The following ZMIZ1 variants were observed in gnomAD, a reference collection of about 807,000 sequenced individuals.
ZMIZ1 encodes the protein zinc finger MIZ domain-containing protein 1.
Under a neutral mutation model 113.9 loss-of-function variants are expected in ZMIZ1, and 17 were observed. The ratio of observed to expected loss-of-function variants is 0.15; its 90% CI spans 0.10 to 0.22. The LOEUF (loss-of-function observed/expected upper bound fraction) is 0.22. Among genes scored for constraint, ZMIZ1 ranks in the 10% least tolerant of loss-of-function variants. The pLI, the probability that ZMIZ1 is intolerant of heterozygous loss-of-function variation, is 1.00. For missense variants in ZMIZ1, 1,059 were observed against 1,477.8 expected (o/e 0.72, Z 4.65); for synonymous variants, 607 against 603.1 (o/e 1.01, Z -0.09).
At chr10:79,211,846 G>T (rs539193379) in intron 6 of ZMIZ1, among the ~76,000 whole-genome samples, 1 of 152,254 alleles carries the variant, frequency 6.6e-6, no homozygotes, top group Admixed American at 6.5e-5. Flanking sequence ...CTTAGGGAAC[G>T]GCGGAAGACA....
At chr10:79,250,292 C>A (rs1044722053) in intron 7 of ZMIZ1, among the ~76,000 whole-genome samples, 1 of 152,248 alleles carries the variant, frequency 6.6e-6, no homozygotes, top group Non-Finnish European at 1.5e-5. Context: ...TGTCCTTGCC[C>A]TGTGTTGCAG....
At chr10:79,250,659 G>C (rs768666127) in intron 7 of ZMIZ1, among the ~76,000 whole-genome samples, 15 of 152,230 alleles carry the variant, frequency 9.9e-5, no homozygotes, top group Non-Finnish European at 2.2e-4. Context: ...GTCAGGGTCT[G>C]TGAGCCCCTG....
At chr10:79,184,066 A>G (rs890225340) in intron 4 of ZMIZ1, among the ~76,000 whole-genome samples, 4 of 152,168 alleles carry the variant, frequency 2.6e-5, no homozygotes, top group African/African-American at 9.7e-5. Context: ...CGGTGCCTTG[A>G]GGTGGGATAC....
intron 2 of ZMIZ1, among the ~76,000 whole-genome samples, chr10:79,128,312 C>T (rs540589751): frequency 6.6e-6 from 1 of 152,342 alleles, no homozygotes; most frequent in East Asian, 1.9e-4. Flanking sequence ...ATACTCGACC[C>T]AGACATATGC....
intron 16 of ZMIZ1, 21 bp from the exon 17 acceptor site, chr10:79,300,711 G>A (rs762574253): frequency 1.2e-6 from 2 of 1,610,630 alleles, no homozygotes; most frequent in Admixed American, 3.3e-5. Context: ...GCTGCCCTGA[G>A]CACCCTCGTT....
chr10:79,138,400 C>G (rs1290525815), intron 2 of ZMIZ1, among the ~76,000 whole-genome samples: 5 of 152,242 alleles, frequency 3.3e-5, no homozygotes, highest in Non-Finnish European at 7.3e-5. Flanking sequence ...CCAGAGGCCT[C>G]AGAGAATGCT....
intron 3 of ZMIZ1, among the ~76,000 whole-genome samples, chr10:79,140,362 A>G (rs1845204721): frequency 6.6e-6 from 1 of 152,214 alleles, no homozygotes; most frequent in Non-Finnish European, 1.5e-5. Context: ...AGGGAAGTTA[A>G]TGGTGCCTGC....
At chr10:79,293,347 T>C in intron 11 of ZMIZ1, 34 bp from the exon 12 acceptor site, 2 of 1,506,178 alleles carry the variant, frequency 1.3e-6, no homozygotes, top group Non-Finnish European at 8.9e-7. Context: ...CTTTTTTTTT[T>C]CTTCTCCCGT....
At chr10:79,103,444 A>T (rs966719913) in intron 1 of ZMIZ1, among the ~76,000 whole-genome samples, 3 of 151,846 alleles carry the variant, frequency 2.0e-5, no homozygotes, top group African/African-American at 7.3e-5. Flanking sequence ...GGGAGGGTGA[A>T]CGGTGGAAAT....
At chr10:79,263,210 G>A (rs1851374277) in intron 7 of ZMIZ1, among the ~76,000 whole-genome samples, 2 of 152,238 alleles carry the variant, frequency 1.3e-5, no homozygotes, top group Admixed American at 6.5e-5. Flanking sequence ...CACAGCTGGC[G>A]TGGAGCCTGA....
At chr10:79,191,371 G>GT (rs1462953533) in intron 4 of ZMIZ1, among the ~76,000 whole-genome samples, 3 of 123,774 alleles carry the variant, frequency 2.4e-5, no homozygotes, top group East Asian at 4.8e-4. Context: ...CCAGCTGGTG[G>GT]TCGGGGGGGG....
Position 79,194,762 on chromosome 10 carries a change from C to T in ZMIZ1, c.-49-6822C>T, listed in dbSNP as rs145041329. ...GTTCCCAGGCCTTTTCAGCTCTCAA[C>T]GTTCTATCCTCCAAGCAGCCCTCTA... On this transcript the variant is annotated intron_variant, in intron 4 of 24. Transcript: ENST00000334512. 1.5e-3 allele frequency among the ~76,000 whole-genome samples: 227 copies of T among 152,312 alleles called. 2 individuals are homozygous for T. Among genetic ancestry groups the T allele is most frequent in the African/African-American group, 5.3e-3 (222 of 41,574 alleles).
intron 7 of ZMIZ1, among the ~76,000 whole-genome samples, chr10:79,223,535 C>T (rs1214887827): frequency 6.6e-6 from 1 of 152,230 alleles, no homozygotes; most frequent in Non-Finnish European, 1.5e-5. Flanking sequence ...ATCACCCGGC[C>T]CTCTCAGAAC....
chr10:79,080,843 T>C (rs1160236499), intron 1 of ZMIZ1, among the ~76,000 whole-genome samples: 1 of 152,042 alleles, frequency 6.6e-6, no homozygotes, highest in Non-Finnish European at 1.5e-5. Context: ...CCTTCTGCCT[T>C]GTGGATGGCC....
chr10:79,103,778 T>C (rs1210883206), intron 1 of ZMIZ1, among the ~76,000 whole-genome samples: 1 of 152,068 alleles, frequency 6.6e-6, no homozygotes, highest in African/African-American at 2.4e-5. Context: ...CCTGGGGGCC[T>C]GGCCTGGGGT....
rs574054505 is a variant in ZMIZ1 at position 79,297,496 on chromosome 10, G to A, written c.1414-117G>A. 1.4e-5 allele frequency: 12 copies of A among 848,620 alleles called. No individual in the cohort carries two copies. In the South Asian group the frequency reaches 1.7e-4, roughly 12 times the overall value. 52.6% of individuals were successfully genotyped at this position (848,620 alleles called of 1,614,324 possible). On this transcript the variant is annotated intron_variant, in intron 13 of 24. Transcript: ENST00000334512. ...CCCTGCTCACTCAATATACCCAGCAGTGGATGGGCCCCTGTAGCATCCCCG... is the reference window on the plus strand; with the variant it reads ...CCCTGCTCACTCAATATACCCAGCAATGGATGGGCCCCTGTAGCATCCCCG...
intron 2 of ZMIZ1, among the ~76,000 whole-genome samples, chr10:79,134,177 G>C (rs987599047): frequency 5.3e-5 from 8 of 152,186 alleles, no homozygotes; most frequent in South Asian, 4.1e-4. Context: ...GGGTCACCAG[G>C]AGCACCAGAT....
chr10:79,306,403 G>A (rs1854700802), intron 22 of ZMIZ1, 59 bp downstream of exon 22: 1 of 1,581,172 alleles, frequency 6.3e-7, no homozygotes, highest in South Asian at 1.1e-5. Flanking sequence ...TCCCTGCAGA[G>A]GCACAGAATT....
At position 79,296,094 on chromosome 10, in the gene ZMIZ1, C is replaced by T. The variant is rs1222487832; in HGVS notation, c.1231-377C>T. ...ATTGCATCCTGTTGACTGTGTTCCTCTGTCACATTGGGGTACACATTGGGG... is the reference window on the plus strand; with the variant it reads ...ATTGCATCCTGTTGACTGTGTTCCTTTGTCACATTGGGGTACACATTGGGG... On this transcript the variant is annotated intron_variant, in intron 12 of 24. Coordinates refer to ENST00000334512, the MANE Select transcript of ZMIZ1 (RefSeq NM_020338.4). This position sits in a 1 kb window ranked among gnomAD's most constrained non-coding sequence, Gnocchi z 4.1. The T allele has an allele frequency of 2.0e-5, 5 of 251,518 alleles. No individual in the cohort carries two copies. The highest frequency in any genetic ancestry group is 3.9e-5 in the Non-Finnish European group (5 of 128,492). The allele number at this position is 251,518 out of a possible 1,614,324, so 15.6% of individuals were successfully genotyped here. A position where few individuals can be genotyped will look rare whatever the true frequency, so the allele number is the denominator to read the frequency against.
Sources: gnomAD v4.1 joint callset for allele counts (sites outside exome capture counted in the v4.1 genomes callset) on GRCh38, gnomAD v4.1.1 for gene constraint, Gnocchi (gnomAD v3.1) non-coding constraint, MANE v1.5 for transcripts, NCBI Gene and HGNC (gene_info 2026-07-23, HGNC 2026-07-21) for gene names.